AKT3: variants seen among roughly 807,000 people sequenced by gnomAD.
The protein encoded by AKT3 is AKT serine/threonine kinase 3, also known as RAC-gamma serine/threonine-protein kinase.
In AKT3, 15 loss-of-function variants were observed where a neutral mutation model predicts 65.3. That is an observed-to-expected ratio of 0.23 (90% confidence interval 0.15 to 0.35). The LOEUF (loss-of-function observed/expected upper bound fraction) is 0.35. Ranked by LOEUF, AKT3 falls within the 10% of genes least tolerant of loss-of-function variation. The pLI, the probability that AKT3 is intolerant of heterozygous loss-of-function variation, is 1.00. For missense variants in AKT3, 243 were observed against 576.5 expected (o/e 0.42, Z 5.92); for synonymous variants, 206 against 183.8 (o/e 1.12, Z -0.98).
intron 2 of AKT3, among the ~76,000 whole-genome samples, chr1:243,812,479 T>C (rs1693226683): frequency 6.6e-6 from 1 of 152,178 alleles, no homozygotes; most frequent in African/African-American, 2.4e-5. Flanking sequence ...TGTGATACCA[T>C]CTCACACCAG....
At chr1:243,532,517 A>G (rs1276388563) in intron 12 of AKT3, among the ~76,000 whole-genome samples, 1 of 152,176 alleles carries the variant, frequency 6.6e-6, no homozygotes, top group Non-Finnish European at 1.5e-5. Flanking sequence ...TACTTGGTTA[A>G]GGTGTACAAT....
intron 2 of AKT3, among the ~76,000 whole-genome samples, chr1:243,784,367 G>C (rs141674112): frequency 6.6e-6 from 1 of 151,988 alleles, no homozygotes; most frequent in Non-Finnish European, 1.5e-5. Context: ...AGGAAACCCA[G>C]GGGTCAATCC....
At chr1:243,689,435 G>C (rs1001264848) in intron 3 of AKT3, among the ~76,000 whole-genome samples, 14 of 148,348 alleles carry the variant, frequency 9.4e-5, no homozygotes, top group African/African-American at 3.5e-4. Flanking sequence ...GGAATCAACT[G>C]ATTTTTCTAC....
intron 1 of AKT3, among the ~76,000 whole-genome samples, chr1:243,844,996 GA>G (rs1386024415): frequency 1.2e-4 from 18 of 152,242 alleles, no homozygotes; most frequent in African/African-American, 3.6e-4. Flanking sequence ...TAGATAACTA[GA>G]AAAATGGATA....
intron 2 of AKT3, among the ~76,000 whole-genome samples, chr1:243,816,915 TCCC>T (rs1477836487): frequency 6.6e-6 from 1 of 152,182 alleles, no homozygotes; most frequent in Admixed American, 6.5e-5. Flanking sequence ...GGACTCCATT[TCCC>T]CTCCTCTTGA....
chr1:243,518,562 T>G (rs1670510767), intron 12 of AKT3, among the ~76,000 whole-genome samples: 1 of 150,890 alleles, frequency 6.6e-6, no homozygotes. Context: ...GAGGTGGAGG[T>G]TGCAGTGAGC....
chr1:243,488,619 GGCCCTCA>G (rs1665594102), intron 13 of AKT3, among the ~76,000 whole-genome samples: 1 of 152,082 alleles, frequency 6.6e-6, no homozygotes, highest in Admixed American at 6.5e-5. Flanking sequence ...GTGTTTCCAC[GGCCCTCA>G]CCCACTTCCC....
intron 2 of AKT3, among the ~76,000 whole-genome samples, chr1:243,720,485 T>TAATTAA (rs1686816797): frequency 7.5e-6 from 1 of 133,676 alleles, no homozygotes; most frequent in Non-Finnish European, 1.6e-5. Flanking sequence ...TGTCAAAATA[T>TAATTAA]AATTAAAAGC....
At chr1:243,793,771 T>C (rs1419584586) in intron 2 of AKT3, among the ~76,000 whole-genome samples, 1 of 102,520 alleles carries the variant, frequency 9.8e-6, no homozygotes, top group Admixed American at 1.1e-4. Context: ...AGAGCAAAAC[T>C]GTCTCAAAAA....
intron 2 of AKT3, among the ~76,000 whole-genome samples, chr1:243,757,324 AAAAGC>A (rs1232028099): frequency 2.0e-5 from 3 of 152,256 alleles, no homozygotes; most frequent in African/African-American, 7.2e-5. Flanking sequence ...GTTCATTAGA[AAAAGC>A]ATTATGTGCT....
intron 4 of AKT3, among the ~76,000 whole-genome samples, chr1:243,654,336 A>G (rs1681600480): frequency 6.6e-6 from 1 of 152,220 alleles, no homozygotes; most frequent in South Asian, 2.1e-4. Flanking sequence ...TTATTTAAAA[A>G]TCAATGCTTA....
At chr1:243,695,553 A>G in intron 3 of AKT3, 38 bp downstream of exon 3, 2 of 1,527,356 alleles carry the variant, frequency 1.3e-6, no homozygotes, top group African/African-American at 1.4e-5. Context: ...ATAAAAATAA[A>G]TAAATACAAG....
chr1:243,809,640 C>G (rs1291429258), intron 2 of AKT3, among the ~76,000 whole-genome samples: 19 of 152,102 alleles, frequency 1.2e-4, no homozygotes, highest in Admixed American at 1.2e-3. Context: ...AGAAAGTTAA[C>G]AAGGATATCC....
chr1:243,692,692 C>G (rs1171117413), intron 3 of AKT3, among the ~76,000 whole-genome samples: 1 of 151,768 alleles, frequency 6.6e-6, no homozygotes, highest in Non-Finnish European at 1.5e-5. Context: ...GAGCCAAGAT[C>G]ATGCCATTGC....
intron 2 of AKT3, among the ~76,000 whole-genome samples, chr1:243,791,698 G>A (rs762214454): frequency 1.3e-4 from 20 of 152,088 alleles, no homozygotes; most frequent in Non-Finnish European, 2.5e-4. Flanking sequence ...TAAATAAGAG[G>A]AGTCACTTAT....
intron 2 of AKT3, among the ~76,000 whole-genome samples, chr1:243,763,026 T>C (rs1342913789): frequency 6.6e-6 from 1 of 152,072 alleles, no homozygotes; most frequent in Non-Finnish European, 1.5e-5. Flanking sequence ...TATTGCCTAC[T>C]AGCTATACAA....
At chr1:243,496,556 A>C (rs550200273), downstream of AKT3, among the ~76,000 whole-genome samples, 1 of 152,340 alleles carries the variant, frequency 6.6e-6, no homozygotes, top group East Asian at 1.9e-4. Flanking sequence ...CAGGGGGGGA[A>C]GGGGTTGTTA....
At position 243,621,512 on chromosome 1, in the gene AKT3, C is replaced by T. The variant is rs188212525; in HGVS notation, c.562-6351G>A. On this transcript the variant is annotated intron_variant, in intron 6 of 13. Transcript: ENST00000673466. Reference sequence around the variant, plus strand: ...ATTCTCTTCACTGGGTACACTCTTCCTTTGGTAAACTCATTCAGACTATGG... The same window carrying T: ...ATTCTCTTCACTGGGTACACTCTTCTTTTGGTAAACTCATTCAGACTATGG... Among the ~76,000 whole-genome samples, 3 of 152,096 alleles carry T rather than the reference C, an allele frequency of 2.0e-5. No individual in the cohort carries two copies. The East Asian group carries it at 5.8e-4, about 29-fold the overall frequency.
At chr1:243,575,111 T>C (rs775415735) in intron 8 of AKT3, among the ~76,000 whole-genome samples, 2 of 152,172 alleles carry the variant, frequency 1.3e-5, no homozygotes, top group Non-Finnish European at 2.9e-5. Flanking sequence ...AACAACCTCT[T>C]AATCGCCAAA....
Sources: allele counts gnomAD v4.1 joint callset (sites outside exome capture counted in the v4.1 genomes callset), GRCh38; gene constraint gnomAD v4.1.1; transcripts MANE v1.5; gene names NCBI Gene and HGNC (gene_info 2026-07-23, HGNC 2026-07-21).